Variants in NBPF11 observed in about 807,000 individuals in gnomAD.
NBPF11 encodes NBPF family member NBPF11.
Under a neutral mutation model 93.9 loss-of-function variants are expected in NBPF11, and 72 were observed. The ratio of observed to expected loss-of-function variants is 0.77; its 90% CI spans 0.63 to 0.93. The LOEUF (loss-of-function observed/expected upper bound fraction) is 0.93. NBPF11 is among the 40% of genes least tolerant of loss of function. The pLI, the probability that NBPF11 is intolerant of heterozygous loss-of-function variation, is 0.00. For synonymous variants in NBPF11, 224 were observed against 304.9 expected (o/e 0.73, Z 2.76); for missense variants, 705 against 802.2 (o/e 0.88, Z 1.46).
At position 148,124,164 on chromosome 1, in the gene NBPF11, G is replaced by C. The variant is rs1446430184; in HGVS notation, c.279-97C>G. ...ATTTCTGAGACAATGTTCTCAAGGA[G>C]ACCTTCAAGCAGAAGGTCAGCACAT... On this transcript the variant is annotated intron_variant, in intron 6 of 23. Transcript: ENST00000682118. The C allele has an allele frequency of 5.0e-6, 6 of 1,201,364 alleles. No homozygotes were observed. In the Admixed American group the frequency reaches 8.9e-5, roughly 18 times the overall value. 74.4% of individuals were successfully genotyped at this position (1,201,364 alleles called of 1,614,324 possible). A position where few individuals can be genotyped will look rare whatever the true frequency, so the allele number is the denominator to read the frequency against.
intron 2 of NBPF11, among the ~76,000 whole-genome samples, chr1:148,140,753 A>C (rs1162100971): frequency 6.6e-6 from 1 of 151,954 alleles, no homozygotes; most frequent in African/African-American, 2.4e-5. Flanking sequence ...GAACACACCA[A>C]ATGCTGTCAA....
At chr1:148,119,187 T>C (rs1462324302) in intron 10 of NBPF11, among the ~76,000 whole-genome samples, 1 of 147,388 alleles carries the variant, frequency 6.8e-6, no homozygotes, top group East Asian at 2.0e-4. Context: ...AAATCTTTGA[T>C]TTTTTAATCA....
chr1:148,124,413 C>T (rs1447229618), intron 6 of NBPF11, among the ~76,000 whole-genome samples: 4 of 148,876 alleles, frequency 2.7e-5, no homozygotes, highest in Non-Finnish European at 3.0e-5. Flanking sequence ...GTGCATCTTG[C>T]GGCCACTAGA....
chr1:148,144,001 G>A (rs1487530865), intron 1 of NBPF11, among the ~76,000 whole-genome samples: 13 of 151,360 alleles, frequency 8.6e-5, no homozygotes, highest in South Asian at 6.2e-4. Context: ...AGAGGTTAGT[G>A]AGCTATGATG....
At chr1:148,104,325 G>T (rs1663010377) in intron 23 of NBPF11, among the ~76,000 whole-genome samples, 2 of 145,578 alleles carry the variant, frequency 1.4e-5, no homozygotes, top group Non-Finnish European at 3.0e-5. Flanking sequence ...TACAGCTTTT[G>T]AAGTATGGTC....
chr1:148,113,007 G>A (rs1431552728), intron 15 of NBPF11, among the ~76,000 whole-genome samples: 1 of 151,980 alleles, frequency 6.6e-6, no homozygotes, highest in Non-Finnish European at 1.5e-5. Flanking sequence ...ACCAGCCACT[G>A]CAAAAACATG....
At chr1:148,119,987 A>G (rs1397434399) in intron 10 of NBPF11, among the ~76,000 whole-genome samples, 2 of 152,040 alleles carry the variant, frequency 1.3e-5, no homozygotes, top group African/African-American at 2.4e-5. Flanking sequence ...TCACTTATAG[A>G]TAGCACAGGT....
rs1489583643 is a variant in NBPF11, at chr1:148,120,502, G to A, written c.987C>T (p.Tyr329=). The A allele has an allele frequency of 4.4e-6, 4 of 910,610 alleles. No homozygotes were observed. Among genetic ancestry groups the A allele is most frequent in the Non-Finnish European group, 7.4e-6 (4 of 538,214 alleles). The allele number at this position is 910,610 out of a possible 1,614,324, so 56.4% of individuals were successfully genotyped here. Reference sequence around the variant, plus strand: ...TGATGGTGAGCATATAGATCTTACTGTATTTGTTCTGCTGCTTGGCCAGGA... The same window carrying A: ...TGATGGTGAGCATATAGATCTTACTATATTTGTTCTGCTGCTTGGCCAGGA... ...ACFLAKQQNK[Y]KYEECKDLIK... is the part of the protein sequence containing the mutation. Residue 329 remains tyrosine, a splice_region_variant and synonymous_variant, in exon 10 of 24, where the codon TAC becomes TAT. Transcript: ENST00000682118.
chr1:148,115,229 G>T (rs1196947766), intron 14 of NBPF11, among the ~76,000 whole-genome samples: 1 of 136,146 alleles, frequency 7.3e-6, no homozygotes. Context: ...AGAAACATTG[G>T]ATCAGCCATT....
At chr1:148,145,604 G>C (rs1672871394) in intron 1 of NBPF11, among the ~76,000 whole-genome samples, 2 of 151,608 alleles carry the variant, frequency 1.3e-5, no homozygotes, top group Admixed American at 1.3e-4. Context: ...ACTCTGGCCG[G>C]GTGCGGTAGC....
intron 1 of NBPF11, chr1:148,146,990 G>C (rs1220187372): frequency 1.4e-6 from 2 of 1,459,028 alleles, no homozygotes; most frequent in Non-Finnish European, 1.8e-6. Context: ...GGGCCGGGGG[G>C]CGGGCTTCCC....
At chr1:148,105,267 C>A in intron 22 of NBPF11, 93 bp downstream of exon 22, 1 of 669,092 alleles carries the variant, frequency 1.5e-6, no homozygotes, top group Non-Finnish European at 2.7e-6. Context: ...GCAATGACAT[C>A]TCTCAGCTCA....
chr1:148,126,881 T>A lies in NBPF11; in HGVS notation c.123A>T (p.Arg41Ser). 2 of 1,465,074 alleles carry A rather than the reference T, an allele frequency of 1.4e-6. No homozygotes were observed. Among genetic ancestry groups the A allele is most frequent in the South Asian group, 2.3e-5 (2 of 87,196 alleles). 90.8% of individuals were successfully genotyped at this position (1,465,074 alleles called of 1,614,324 possible). ...AGCCGGCCAGTTGAGTTAGAAAACA[T>A]CTCTCTTTGAGGTTTCTGAACTGCT... ...NKQQFRNLKERCFLTQLAGFL... is the reference protein window; with the variant it reads ...NKQQFRNLKESCFLTQLAGFL... The change falls in exon 5 of 24, where the codon AGA becomes AGT. Residue 41 changes from arginine to serine, a missense_variant. Arg to Ser is a moderately radical substitution (Grantham distance 110). Transcript: ENST00000682118.
rs1417263360 is a variant in NBPF11 at position 148,149,327 on chromosome 1, G to C, written c.-549+2423C>G. 8.6e-5 allele frequency: 137 copies of C among 1,597,090 alleles called. 2 individuals are homozygous for C. The African/African-American group carries it at 1.7e-3, about 20-fold the overall frequency. On this transcript the variant is annotated intron_variant, in intron 1 of 23. Coordinates refer to ENST00000682118, the MANE Select transcript of NBPF11 (RefSeq NM_001385469.3). ...CGACACCAAGAAGACCTACTGCTTC[G>C]ACGCCTTCCCTAACATCGAGAAGGT...
intron 4 of NBPF11, among the ~76,000 whole-genome samples, chr1:148,131,080 A>T (rs1472429563): frequency 1.3e-5 from 2 of 151,260 alleles, no homozygotes; most frequent in Non-Finnish European, 2.9e-5. Flanking sequence ...ATCCATACGT[A>T]GCAGGCCAGG....
chr1:148,146,840 G>C, intron 1 of NBPF11: 2 of 1,613,790 alleles, frequency 1.2e-6, no homozygotes, highest in Middle Eastern at 1.7e-4. Context: ...GACTCCTCCG[G>C]CTACGGTGCC....
At chr1:148,149,364 C>A in intron 1 of NBPF11, 1 of 1,596,730 alleles carries the variant, frequency 6.3e-7, no homozygotes, top group East Asian at 2.2e-5. Context: ...TCCAAGATCA[C>A]GTCTCCCGTG....
intron 21 of NBPF11, among the ~76,000 whole-genome samples, chr1:148,105,747 A>ACACACAC (rs1663421648): frequency 4.0e-5 from 3 of 74,204 alleles, no homozygotes; most frequent in African/African-American, 2.5e-4. Context: ...CACACACACA[A>ACACACAC]ACACACACAC....
chr1:148,126,019 T>G (rs2149249844), intron 5 of NBPF11, among the ~76,000 whole-genome samples: 1 of 152,092 alleles, frequency 6.6e-6, no homozygotes, highest in South Asian at 2.1e-4. Context: ...TTGTTTGTTT[T>G]TTGACGAGTC....
Sources: allele counts gnomAD v4.1 joint callset (sites outside exome capture counted in the v4.1 genomes callset), GRCh38; gene constraint gnomAD v4.1.1; transcripts MANE v1.5; gene names NCBI Gene and HGNC (gene_info 2026-07-23, HGNC 2026-07-21).